The following UNC5C variants were observed in gnomAD, a reference collection of about 807,000 sequenced individuals.
The protein encoded by UNC5C is unc-5 netrin receptor C, also known as netrin receptor UNC5C.
In UNC5C, 47 loss-of-function variants were observed where a neutral mutation model predicts 99.8. The observed-to-expected ratio is 0.47, with a 90% CI of 0.37 to 0.60. UNC5C has a LOEUF of 0.60. Ranked by LOEUF, UNC5C falls within the 20% of genes least tolerant of loss-of-function variation. The pLI is 0.00. For synonymous variants in UNC5C, 487 were observed against 452.2 expected (o/e 1.08, Z -0.98); for missense variants, 1,062 against 1,165.9 (o/e 0.91, Z 1.30).
At chr4:95,351,613 G>T (rs1186758181) in intron 1 of UNC5C, among the ~76,000 whole-genome samples, 2 of 151,814 alleles carry the variant, frequency 1.3e-5, no homozygotes, top group Non-Finnish European at 2.9e-5. Context: ...TGAGCCCAGG[G>T]GTTTGAGACT....
chr4:95,329,322 C>T (rs1743022871), intron 2 of UNC5C, among the ~76,000 whole-genome samples: 1 of 152,050 alleles, frequency 6.6e-6, no homozygotes, highest in Non-Finnish European at 1.5e-5. Context: ...AAAAGTATCA[C>T]AGTAGGGATA....
chr4:95,470,441 C>T (rs559559688), intron 1 of UNC5C, among the ~76,000 whole-genome samples: 27 of 152,132 alleles, frequency 1.8e-4, no homozygotes, highest in African/African-American at 2.9e-4. Context: ...AGAGAATGGA[C>T]GGCACCATGA....
At chr4:95,542,180 T>C (rs1722937113) in intron 1 of UNC5C, among the ~76,000 whole-genome samples, 3 of 152,118 alleles carry the variant, frequency 2.0e-5, no homozygotes, top group African/African-American at 7.2e-5. Flanking sequence ...AATATGATTA[T>C]TGTGAGCCCT....
intron 1 of UNC5C, among the ~76,000 whole-genome samples, chr4:95,345,785 T>C (rs1743748865): frequency 6.6e-6 from 1 of 151,842 alleles, no homozygotes; most frequent in African/African-American, 2.4e-5. Flanking sequence ...AAAAAGTAAA[T>C]TTAAAAATTT....
chr4:95,319,279 A>G (rs1742590873), intron 2 of UNC5C, among the ~76,000 whole-genome samples: 1 of 152,182 alleles, frequency 6.6e-6, no homozygotes, highest in African/African-American at 2.4e-5. Flanking sequence ...GGTGTTTTCA[A>G]AAGTCCCCCC....
At chr4:95,366,913 A>G (rs537280026) in intron 1 of UNC5C, among the ~76,000 whole-genome samples, 2 of 152,332 alleles carry the variant, frequency 1.3e-5, no homozygotes, top group South Asian at 2.1e-4. Flanking sequence ...GCTTGCTGGC[A>G]GCAGAGGGAT....
chr4:95,410,710 G>A (rs1217799595), intron 1 of UNC5C, among the ~76,000 whole-genome samples: 1 of 152,126 alleles, frequency 6.6e-6, no homozygotes, highest in African/African-American at 2.4e-5. Flanking sequence ...AGATCTGGGG[G>A]CATCACATTC....
rs528878693 is a variant in UNC5C at position 95,226,506 on chromosome 4, A to T, written c.1109-6330T>A. Among the ~76,000 whole-genome samples the T allele has an allele frequency of 2.6e-5, 4 of 152,266 alleles. No individual in the cohort carries two copies. The East Asian group carries it at 7.7e-4, about 29-fold the overall frequency. ...AGATGCTGGGTCCTTAAGGGATTTT[A>T]TCTGTAGAGTCAACATAGCCTATTA... On this transcript the variant is annotated intron_variant, in intron 7 of 15. Coordinates refer to ENST00000453304, the MANE Select transcript of UNC5C (RefSeq NM_003728.4).
chr4:95,200,133 C>T (rs1288127376), intron 12 of UNC5C, among the ~76,000 whole-genome samples: 13 of 152,192 alleles, frequency 8.5e-5, no homozygotes, highest in Non-Finnish European at 1.0e-4. Context: ...AGTCTTTTCC[C>T]CTGGAGCCTG....
At chr4:95,416,334 A>G (rs1033039713) in intron 1 of UNC5C, among the ~76,000 whole-genome samples, 1 of 152,056 alleles carries the variant, frequency 6.6e-6, no homozygotes, top group Non-Finnish European at 1.5e-5. Context: ...AAAGAACTAG[A>G]AAGTTTAGTT....
At chr4:95,356,233 T>G in intron 1 of UNC5C, among the ~76,000 whole-genome samples, 1 of 141,884 alleles carries the variant, frequency 7.0e-6, no homozygotes, top group Non-Finnish European at 1.6e-5. Context: ...AAAAAACAGA[T>G]TCCTCGTTCT....
At chr4:95,179,660 T>C (rs749084578) in intron 14 of UNC5C, among the ~76,000 whole-genome samples, 1 of 151,408 alleles carries the variant, frequency 6.6e-6, no homozygotes, top group South Asian at 2.1e-4. Flanking sequence ...GGCAGGAGAA[T>C]TGTTTGAACC....
At chr4:95,177,874 C>CTT (rs34351357) in intron 14 of UNC5C, among the ~76,000 whole-genome samples, 54,069 of 146,596 alleles carry the variant, frequency 0.37, 10,317 homozygotes, top group Admixed American at 0.5. Context: ...GCTAATTTGC[C>CTT]TTTTTTTTTT....
In UNC5C at chr4:95,162,739, T is replaced by G. The variant is rs1401310225; in HGVS notation, c.*6495A>C. On this transcript the variant is annotated 3_prime_UTR_variant, in exon 16 of 16. Transcript: ENST00000453304. The stretch of plus-strand genomic sequence containing the variant: ...GGGCACTCTGCCTCTGCCGGGGGGT[T>G]TTTTTAGAAAAGGAATTGCATAGAA... The G allele has an allele frequency of 3.3e-5, 5 of 151,992 alleles. No homozygotes were observed. Among genetic ancestry groups the G allele is most frequent in the Non-Finnish European group, 7.4e-5 (5 of 68,000 alleles). The allele number at this position is 151,992 out of a possible 1,614,324, so 9.4% of individuals were successfully genotyped here. A position where few individuals can be genotyped will look rare whatever the true frequency, so the allele number is the denominator to read the frequency against.
At chr4:95,438,710 T>C (rs931506880) in intron 1 of UNC5C, among the ~76,000 whole-genome samples, 1 of 152,150 alleles carries the variant, frequency 6.6e-6, no homozygotes, top group Non-Finnish European at 1.5e-5. Flanking sequence ...GACTGCTATA[T>C]GATTATTTCC....
chr4:95,499,086 T>C (rs184810841), intron 1 of UNC5C, among the ~76,000 whole-genome samples: 598 of 152,200 alleles, frequency 3.9e-3, no homozygotes, highest in Non-Finnish European at 6.9e-3. Context: ...GAAAAATATT[T>C]TAAGGTATAA....
Position 95,209,075 on chromosome 4 carries a change from A to C in UNC5C, c.1734-2279T>G, listed in dbSNP as rs576753636. The stretch of plus-strand genomic sequence containing the variant: ...CAAATGGCAGGCCTGTCTACTCCTC[A>C]TTATAAAAGACTCAGGTTCCCTAAG... On this transcript the variant is annotated intron_variant, in intron 10 of 15. Transcript: ENST00000453304. Among the ~76,000 whole-genome samples the C allele has an allele frequency of 2.6e-5, 4 of 152,308 alleles. No individual in the cohort carries two copies. In the South Asian group the frequency reaches 8.3e-4, roughly 32 times the overall value.
At chr4:95,309,058 A>T (rs1338724173) in intron 2 of UNC5C, among the ~76,000 whole-genome samples, 1 of 152,218 alleles carries the variant, frequency 6.6e-6, no homozygotes, top group Non-Finnish European at 1.5e-5. Context: ...GTATCAAAAT[A>T]GCATAATGCT....
chr4:95,238,198 A>AGGTGAGTTT (rs1207926236), intron 7 of UNC5C, among the ~76,000 whole-genome samples: 1 of 152,192 alleles, frequency 6.6e-6, no homozygotes, highest in Non-Finnish European at 1.5e-5. Context: ...TTCCTTTTAC[A>AGGTGAGTTT]GGTGAGTTTA....
Sources: gnomAD v4.1 joint callset for allele counts (sites outside exome capture counted in the v4.1 genomes callset) on GRCh38, gnomAD v4.1.1 for gene constraint, MANE v1.5 for transcripts, NCBI Gene and HGNC (gene_info 2026-07-23, HGNC 2026-07-21) for gene names.